The following ARHGAP22 variants were observed in gnomAD, a reference collection of about 807,000 sequenced individuals.
ARHGAP22 encodes the protein Rho GTPase activating protein 22.
A neutral mutation model predicts 59.1 loss-of-function variants in ARHGAP22; 48 were observed. The ratio of observed to expected loss-of-function variants is 0.81; its 90% CI spans 0.64 to 1.03. The LOEUF is 1.03. Ranked by LOEUF, ARHGAP22 falls within the 50% of genes least tolerant of loss-of-function variation. ARHGAP22 has a pLI of 0.00. For synonymous variants in ARHGAP22, 445 were observed against 416.4 expected, an observed-to-expected ratio of 1.07 and a Z score of -0.84; for missense variants, 1,015 against 958.7, an observed-to-expected ratio of 1.06 and a Z score of -0.78.
At chr10:48,651,829 A>G (rs1313814532) in intron 1 of ARHGAP22, among the ~76,000 whole-genome samples, 1 of 151,994 alleles carries the variant, frequency 6.6e-6, no homozygotes, top group African/African-American at 2.4e-5. Context: ...TGTCCTCACT[A>G]TTTCTCTACT....
rs200717294 is a variant in ARHGAP22 at position 48,446,615 on chromosome 10, C to T, written c.1873G>A (p.Glu625Lys). Reference sequence around the variant, plus strand: ...TTTCTCAGGTCAGCACTCCCTTCTTCGATTCTGAAAAGTCAAGGAGAGATG... The same window carrying T: ...TTTCTCAGGTCAGCACTCCCTTCTTTGATTCTGAAAAGTCAAGGAGAGATG... ...TEYERSVKRI[E>K]EGSADLRKRM... The change falls in exon 10 of 10, where the codon GAA becomes AAA. Residue 625 changes from glutamate (E) to lysine (K), a missense_variant. Transcript: ENST00000249601. 79 of 1,613,606 alleles carry T rather than the reference C, an allele frequency of 4.9e-5. No individual in the cohort carries two copies. In the Middle Eastern group the frequency reaches 2.1e-3, roughly 44 times the overall value.
intron 3 of ARHGAP22, among the ~76,000 whole-genome samples, chr10:48,524,406 C>G (rs1461657881): frequency 6.6e-6 from 1 of 151,984 alleles, no homozygotes; most frequent in Non-Finnish European, 1.5e-5. Context: ...CTCGCCGGCG[C>G]CCTCCCCACG....
intron 3 of ARHGAP22, among the ~76,000 whole-genome samples, chr10:48,518,707 C>A (rs1053982256): frequency 3.9e-5 from 6 of 152,192 alleles, no homozygotes; most frequent in African/African-American, 1.4e-4. Flanking sequence ...TGAGACCCCG[C>A]AGGTGACCTG....
At chr10:48,441,472 G>T (rs1380474360), downstream of ARHGAP22, among the ~76,000 whole-genome samples, 2 of 139,542 alleles carry the variant, frequency 1.4e-5, no homozygotes, top group Admixed American at 1.5e-4. Flanking sequence ...TTTTTTTTGA[G>T]ACAGAGTCTC....
chr10:48,648,453 T>G (rs982963343), intron 1 of ARHGAP22, among the ~76,000 whole-genome samples: 1 of 152,084 alleles, frequency 6.6e-6, no homozygotes, highest in African/African-American at 2.4e-5. Context: ...ACTGCTGACG[T>G]GAGACCATTC....
chr10:48,519,899 T>C (rs992256459), intron 3 of ARHGAP22, among the ~76,000 whole-genome samples: 11 of 152,092 alleles, frequency 7.2e-5, no homozygotes, highest in African/African-American at 1.4e-4. Flanking sequence ...AGGAGGATCA[T>C]AGTGTCTCCA....
At chr10:48,476,796 G>A (rs2048794619) in intron 4 of ARHGAP22, among the ~76,000 whole-genome samples, 1 of 152,216 alleles carries the variant, frequency 6.6e-6, no homozygotes, top group Non-Finnish European at 1.5e-5. Context: ...ATGGACATGT[G>A]GCCGGGGAGC....
At chr10:48,493,052 G>A (rs971366910) in intron 3 of ARHGAP22, among the ~76,000 whole-genome samples, 7 of 152,144 alleles carry the variant, frequency 4.6e-5, no homozygotes, top group African/African-American at 1.7e-4. Context: ...GACTAGCCAC[G>A]TTTCATGTGC....
chr10:48,433,384 C>A, the ARHGAP22 span, among the ~76,000 whole-genome samples: 1 of 152,128 alleles, frequency 6.6e-6, no homozygotes, highest in East Asian at 1.9e-4. Flanking sequence ...AGAAACTAGT[C>A]ATTGTGTACT....
intron 1 of ARHGAP22, among the ~76,000 whole-genome samples, chr10:48,641,445 G>T (rs1018749716): frequency 6.6e-6 from 1 of 152,056 alleles, no homozygotes; most frequent in Non-Finnish European, 1.5e-5. Context: ...TTCAACATAC[G>T]CAAATCAATA....
chr10:48,431,098 T>C, the ARHGAP22 span: 1 of 743,928 alleles, frequency 1.3e-6, no homozygotes, highest in Admixed American at 2.1e-5. Flanking sequence ...TTTGAAGTAC[T>C]TCACATGTAT....
At chr10:48,579,316 C>T (rs1483254132) in intron 2 of ARHGAP22, among the ~76,000 whole-genome samples, 1 of 152,118 alleles carries the variant, frequency 6.6e-6, no homozygotes, top group Non-Finnish European at 1.5e-5. Flanking sequence ...GGCTGATCAA[C>T]AAAGAATGTG....
the ARHGAP22 span, among the ~76,000 whole-genome samples, chr10:48,433,130 T>G: frequency 6.6e-6 from 1 of 152,208 alleles, no homozygotes; most frequent in Non-Finnish European, 1.5e-5. Context: ...AGACTAAAGA[T>G]TTTCCATATT....
At chr10:48,574,640 A>T (rs571972831) in intron 2 of ARHGAP22, 1 of 152,304 alleles carries the variant, frequency 6.6e-6, no homozygotes, top group Non-Finnish European at 1.5e-5. Flanking sequence ...TGGCATCTTC[A>T]TCGTACCCCC....
chr10:48,486,798 C>A (rs1233153345), intron 3 of ARHGAP22, among the ~76,000 whole-genome samples: 1 of 152,148 alleles, frequency 6.6e-6, no homozygotes, highest in Non-Finnish European at 1.5e-5. Context: ...GTGATGAATT[C>A]TTTCAGCTAT....
intron 2 of ARHGAP22, among the ~76,000 whole-genome samples, chr10:48,563,367 G>T (rs1310190052): frequency 1.3e-5 from 2 of 151,864 alleles, no homozygotes; most frequent in Non-Finnish European, 2.9e-5. Context: ...CTAATTTTTT[G>T]TATTTTTAGT....
chr10:48,494,121 C>T (rs888294933), intron 3 of ARHGAP22, among the ~76,000 whole-genome samples: 1 of 152,176 alleles, frequency 6.6e-6, no homozygotes, highest in East Asian at 1.9e-4. Context: ...GGCACCTGCA[C>T]GTGGTACTTG....
chr10:48,434,007 A>G, the ARHGAP22 span, among the ~76,000 whole-genome samples: 45 of 152,336 alleles, frequency 3.0e-4, no homozygotes, highest in African/African-American at 1.1e-3. Context: ...AGCCTAGTGC[A>G]TGAGTTACCT....
chr10:48,467,153 T>A (rs1301423042), intron 4 of ARHGAP22, among the ~76,000 whole-genome samples: 2 of 152,246 alleles, frequency 1.3e-5, no homozygotes, highest in African/African-American at 4.8e-5. Context: ...TGACATACAG[T>A]ATGCCCCTGA....
Sources: gnomAD v4.1 joint callset for allele counts (sites outside exome capture counted in the v4.1 genomes callset) on GRCh38, gnomAD v4.1.1 for gene constraint, MANE v1.5 for transcripts, NCBI Gene and HGNC (gene_info 2026-07-23, HGNC 2026-07-21) for gene names.